The following CYP2C18 variants were observed in gnomAD, a reference collection of about 807,000 sequenced individuals.
CYP2C18 encodes the protein cytochrome P450 2C18.
In CYP2C18, 38 loss-of-function variants were observed where a neutral mutation model predicts 41.3. The ratio of observed to expected loss-of-function variants is 0.92; its 90% CI spans 0.71 to 1.21. CYP2C18 has a LOEUF of 1.21. Among genes scored for constraint, CYP2C18 ranks in the 50% most tolerant of loss-of-function variants. The pLI is 0.00. For missense variants in CYP2C18, 635 were observed against 591.4 expected (o/e 1.07, Z -0.77); for synonymous variants, 236 against 210.0 (o/e 1.12, Z -1.07).
rs774569291 is a variant in CYP2C18 at position 94,687,821 on chromosome 10, A to G, written c.220A>G (p.Ile74Val). 1.2e-6 allele frequency: 2 copies of G among 1,613,804 alleles called. No homozygotes were observed. Among genetic ancestry groups the G allele is most frequent in the South Asian group, 1.1e-5 (1 of 91,060 alleles). Residue 74 changes from isoleucine (I) to valine (V), a missense_variant, in exon 2 of 9, where the codon ATT becomes GTT. Coordinates refer to ENST00000285979, the MANE Select transcript of CYP2C18 (RefSeq NM_000772.3). Reference protein sequence around the residue: ...VFTVYFGLKPIVVLHGYEAVK... With the variant: ...VFTVYFGLKPVVVLHGYEAVK... Reference sequence around the variant, plus strand: ...CACTGTGTATTTTGGCCTGAAGCCCATTGTGGTGTTGCATGGATATGAAGC... The same window carrying G: ...CACTGTGTATTTTGGCCTGAAGCCCGTTGTGGTGTTGCATGGATATGAAGC...
chr10:94,688,026 C>T, intron 2 of CYP2C18, 94 bp downstream of exon 2: 2 of 1,596,508 alleles, frequency 1.3e-6, no homozygotes, highest in Admixed American at 3.4e-5. Context: ...TTGAAGAGCT[C>T]CTGGGACAGA....
intron 4 of CYP2C18, among the ~76,000 whole-genome samples, chr10:94,699,567 C>G (rs141356957): frequency 0.025 from 3,849 of 152,256 alleles, 150 homozygotes; most frequent in African/African-American, 0.075. Flanking sequence ...AAAACAGGCA[C>G]AAGACAGGGA....
At position 94,715,313 on chromosome 10, in the gene CYP2C18, G is replaced by T. The variant is rs552188267; in HGVS notation, c.820-5083G>T. On this transcript the variant is annotated intron_variant, in intron 5 of 8. Transcript: ENST00000285979. ...CCCATTCAGTATGATATTGGCTTTG[G>T]GTTTGTCATAAATAGCTCTTATTAT... is the stretch of plus-strand genomic sequence containing the variant. Among the ~76,000 whole-genome samples, 11 of 152,202 alleles carry T rather than the reference G, an allele frequency of 7.2e-5. No individual in the cohort carries two copies. The East Asian group carries it at 2.1e-3, about 29-fold the overall frequency.
At chr10:94,733,023 C>T (rs989363450) in intron 7 of CYP2C18, among the ~76,000 whole-genome samples, 3 of 145,680 alleles carry the variant, frequency 2.1e-5, no homozygotes, top group Non-Finnish European at 2.9e-5. Flanking sequence ...AGGGTCCAAG[C>T]TTGATGATAA....
chr10:94,700,901 A>G (rs544954474), intron 4 of CYP2C18, among the ~76,000 whole-genome samples: 2 of 152,344 alleles, frequency 1.3e-5, no homozygotes, highest in East Asian at 3.9e-4. Context: ...AGAGAAATGC[A>G]AATCAAACCA....
At chr10:94,699,280 T>C (rs570436502) in intron 4 of CYP2C18, among the ~76,000 whole-genome samples, 1 of 152,226 alleles carries the variant, frequency 6.6e-6, no homozygotes, top group South Asian at 2.1e-4. Flanking sequence ...GCTTATCCAC[T>C]ATGATGAAGT....
At position 94,706,924 on chromosome 10, in the gene CYP2C18, G is replaced by A; in HGVS notation, c.783G>A (p.Arg261=). ...HQESLDMNSA[R]DFIDCFLIKM... ...AATCCCTGGACATGAACAGTGCTCG[G>A]GACTTTATTGATTGTTTCCTGATCA... Residue 261 remains arginine (R), a synonymous_variant, in exon 5 of 9, where the codon CGG becomes CGA. Coordinates refer to ENST00000285979, the MANE Select transcript of CYP2C18 (RefSeq NM_000772.3). 2 of 1,609,722 alleles carry A rather than the reference G, an allele frequency of 1.2e-6. No homozygotes were observed. Among genetic ancestry groups the A allele is most frequent in the Non-Finnish European group, 1.7e-6 (2 of 1,178,746 alleles).
At chr10:94,706,649 A>G in intron 4 of CYP2C18, 135 bp from the exon 5 acceptor site, 1 of 559,568 alleles carries the variant, frequency 1.8e-6, no homozygotes, top group South Asian at 2.4e-5. Context: ...ACTACTTTGT[A>G]CGTATAATCA....
chr10:94,710,162 C>G (rs1847411455), intron 5 of CYP2C18, among the ~76,000 whole-genome samples: 1 of 152,068 alleles, frequency 6.6e-6, no homozygotes, highest in Admixed American at 6.6e-5. Flanking sequence ...GCAGAGACAG[C>G]CTTTCGCTAT....
chr10:94,724,275 G>T lies in CYP2C18; in HGVS notation c.962-71G>T. On this transcript the variant is annotated intron_variant, in intron 6 of 8. Coordinates refer to ENST00000285979, the MANE Select transcript of CYP2C18 (RefSeq NM_000772.3). ...TTGGGACCCCTTCCTTATGCTTCTT[G>T]TAACCTGAATTGCTACAACAAATGT... is the stretch of plus-strand genomic sequence containing the variant. The T allele has an allele frequency of 1.1e-5, 17 of 1,502,208 alleles. 1 individual carries two copies. Among genetic ancestry groups the T allele is most frequent in the Non-Finnish European group, 1.6e-5 (17 of 1,079,282 alleles). 93.1% of individuals were successfully genotyped at this position (1,502,208 alleles called of 1,614,324 possible).
intron 4 of CYP2C18, among the ~76,000 whole-genome samples, chr10:94,704,939 A>T (rs767312374): frequency 3.4e-4 from 51 of 152,164 alleles, no homozygotes; most frequent in Non-Finnish European, 6.5e-4. Flanking sequence ...GTTTTGAATC[A>T]GGTGAAACAA....
At chr10:94,728,712 C>T (rs932809) in intron 7 of CYP2C18, 74,232 of 479,746 alleles carry the variant, frequency 0.15, 6,443 homozygotes, top group South Asian at 0.32. Context: ...TTAAAAAACC[C>T]TATGAACAGA....
intron 7 of CYP2C18, among the ~76,000 whole-genome samples, chr10:94,730,497 T>A (rs775677546): frequency 2.0e-5 from 3 of 152,192 alleles, no homozygotes; most frequent in Non-Finnish European, 2.9e-5. Flanking sequence ...GCAGTTTAAG[T>A]ATCTTTAAAT....
intron 3 of CYP2C18, among the ~76,000 whole-genome samples, chr10:94,689,947 T>G (rs1335403764): frequency 1.3e-5 from 2 of 152,094 alleles, no homozygotes; most frequent in Non-Finnish European, 2.9e-5. Context: ...ACCCTCCCTA[T>G]CTCACTCATT....
At chr10:94,689,896 A>G (rs1433332191) in intron 3 of CYP2C18, among the ~76,000 whole-genome samples, 1 of 152,080 alleles carries the variant, frequency 6.6e-6, no homozygotes, top group Admixed American at 6.6e-5. Flanking sequence ...CAGAGCCCAC[A>G]GAAATTGTTC....
At chr10:94,733,471 G>A (rs1847869318) in intron 8 of CYP2C18, 33 bp downstream of exon 8, 2 of 1,610,406 alleles carry the variant, frequency 1.2e-6, no homozygotes, top group South Asian at 1.1e-5. Context: ...TGTCCTTCAG[G>A]GCACATGATA....
intron 4 of CYP2C18, among the ~76,000 whole-genome samples, chr10:94,701,298 GA>G (rs1235863707): frequency 5.3e-5 from 8 of 152,274 alleles, no homozygotes; most frequent in African/African-American, 1.9e-4. Context: ...CATAAAAAAT[GA>G]TGAGTTCATG....
At chr10:94,728,588 C>T (rs900879832) in intron 7 of CYP2C18, 187 of 952,922 alleles carry the variant, frequency 2.0e-4, no homozygotes, top group East Asian at 3.5e-4. Flanking sequence ...AGTTCCCCCA[C>T]GTGTTTTAAC....
At chr10:94,733,239 AC>A (rs2134212356) in intron 7 of CYP2C18, 57 bp from the exon 8 acceptor site, 1 of 1,520,016 alleles carries the variant, frequency 6.6e-7, no homozygotes, top group Non-Finnish European at 9.0e-7. Context: ...GATTTCCATC[AC>A]TTCTTCCCAC....
Sources: allele counts gnomAD v4.1 joint callset (sites outside exome capture counted in the v4.1 genomes callset), GRCh38; gene constraint gnomAD v4.1.1; transcripts MANE v1.5; gene names NCBI Gene and HGNC (gene_info 2026-07-23, HGNC 2026-07-21).